ASAP2: variants seen among roughly 807,000 people sequenced by gnomAD.
ASAP2 encodes the protein ArfGAP with SH3 domain, ankyrin repeat and PH domain 2, also known as arf-GAP with SH3 domain, ANK repeat and PH domain-containing protein 2.
In ASAP2, 45 loss-of-function variants were observed where a neutral mutation model predicts 131.4. The observed-to-expected ratio is 0.34, with a 90% CI of 0.27 to 0.44. The LOEUF is 0.44. Ranked by LOEUF, ASAP2 falls within the 20% of genes least tolerant of loss-of-function variation. The probability of loss-of-function intolerance (pLI) is 1.00; values close to 1 mark genes in which losing one functional copy is unlikely to be tolerated. For missense variants in ASAP2, 1,011 were observed against 1,297.0 expected (o/e 0.78, Z 3.39); for synonymous variants, 510 against 503.0 (o/e 1.01, Z -0.19).
chr2:9,267,717 T>C (rs1279583939), intron 1 of ASAP2, among the ~76,000 whole-genome samples: 1 of 151,774 alleles, frequency 6.6e-6, no homozygotes, highest in Non-Finnish European at 1.5e-5. Flanking sequence ...CCTAACATGG[T>C]GAAACCCCCG....
Position 9,400,767 on chromosome 2 carries a change from G to T in ASAP2, c.2760G>T (p.Leu920=), listed in dbSNP as rs934456618. The stretch of plus-strand genomic sequence containing the variant: ...TGGATCTCTCTGCAACGGAAGCTCT[G>T]GGTCCTCTGTCCAATGCTATGGTCC... ...GPVDLSATEA[L]GPLSNAMVLQ... is the part of the protein sequence containing the mutation. Residue 920 remains leucine (L), a synonymous_variant, in exon 26 of 28, where the codon CTG becomes CTT. Coordinates refer to ENST00000281419, the MANE Select transcript of ASAP2 (RefSeq NM_003887.3). 3 of 1,613,602 alleles carry T rather than the reference G, an allele frequency of 1.9e-6. No individual in the cohort carries two copies. The African/African-American group carries it at 4.0e-5, about 22-fold the overall frequency.
At chr2:9,360,461 A>T (rs1673005359) in intron 15 of ASAP2, among the ~76,000 whole-genome samples, 1 of 152,158 alleles carries the variant, frequency 6.6e-6, no homozygotes. Flanking sequence ...ACAAATTGGC[A>T]TTTTAGTGGG....
At chr2:9,393,961 G>T (rs887951308) in intron 24 of ASAP2, among the ~76,000 whole-genome samples, 19 of 152,138 alleles carry the variant, frequency 1.2e-4, no homozygotes, top group African/African-American at 4.3e-4. Context: ...TCCCAAGGTT[G>T]TTTTGAACAC....
At chr2:9,320,639 T>G (rs1670094724) in intron 5 of ASAP2, among the ~76,000 whole-genome samples, 1 of 152,246 alleles carries the variant, frequency 6.6e-6, no homozygotes, top group Non-Finnish European at 1.5e-5. Flanking sequence ...CTTTCTGTTT[T>G]TGTTTTTAAA....
At chr2:9,230,169 T>TA (rs1663057970) in intron 1 of ASAP2, among the ~76,000 whole-genome samples, 2 of 152,166 alleles carry the variant, frequency 1.3e-5, no homozygotes, top group African/African-American at 2.4e-5. Context: ...AATAAACACA[T>TA]ATGTAAACAG....
Position 9,311,579 on chromosome 2 carries a change from C to A in ASAP2, c.346-6945C>A, listed in dbSNP as rs1183048418. ...TTACCCAGGGATAATGTAATTCTTC[C>A]CATAGAGCATGAAAATGTCATTACT... On this transcript the variant is annotated intron_variant, in intron 3 of 27. Transcript: ENST00000281419. The surrounding 1 kb of genome is among the most constrained non-coding windows in gnomAD (Gnocchi z 5.2). 3.9e-5 allele frequency among the ~76,000 whole-genome samples: 6 copies of A among 152,120 alleles called. No homozygotes were observed. The highest frequency in any genetic ancestry group is 1.5e-5 in the Non-Finnish European group (1 of 68,040).
intron 2 of ASAP2, among the ~76,000 whole-genome samples, chr2:9,284,750 T>G (rs1423525077): frequency 1.3e-5 from 2 of 152,194 alleles, no homozygotes; most frequent in Non-Finnish European, 2.9e-5. Flanking sequence ...TACTGAGTGT[T>G]TATACATTAT....
chr2:9,224,685 C>T (rs1343279365), intron 1 of ASAP2, among the ~76,000 whole-genome samples: 1 of 152,226 alleles, frequency 6.6e-6, no homozygotes, highest in Admixed American at 6.5e-5. Context: ...TTCCCTAACA[C>T]TCCTCATTTA....
intron 16 of ASAP2, among the ~76,000 whole-genome samples, chr2:9,374,534 G>A (rs1674234713): frequency 6.6e-6 from 1 of 152,202 alleles, no homozygotes; most frequent in Non-Finnish European, 1.5e-5. Flanking sequence ...TGGGCTGAGA[G>A]AACATGGGGA....
chr2:9,293,288 T>C (rs2148374942), intron 2 of ASAP2, among the ~76,000 whole-genome samples: 1 of 152,232 alleles, frequency 6.6e-6, no homozygotes, highest in East Asian at 1.9e-4. Context: ...TGGCTTAGAA[T>C]TGAGAAGAAA....
At chr2:9,240,353 A>G (rs377201237) in intron 1 of ASAP2, among the ~76,000 whole-genome samples, 6 of 150,314 alleles carry the variant, frequency 4.0e-5, no homozygotes, top group African/African-American at 1.5e-4. Flanking sequence ...TCCTGGGCCC[A>G]GGTGATCCTC....
At chr2:9,378,120 AG>A (rs1227233889) in intron 18 of ASAP2, among the ~76,000 whole-genome samples, 4 of 152,198 alleles carry the variant, frequency 2.6e-5, no homozygotes, top group African/African-American at 7.2e-5. Context: ...TTGGTGAAAA[AG>A]AAACTCCTTT....
At chr2:9,276,867 T>A (rs1666792817) in intron 1 of ASAP2, among the ~76,000 whole-genome samples, 1 of 152,170 alleles carries the variant, frequency 6.6e-6, no homozygotes, top group South Asian at 2.1e-4. Context: ...TGAGGTGTTT[T>A]CTCCCTTTAC....
chr2:9,403,498 T>C lies in ASAP2; in HGVS notation c.*171T>C, dbSNP rs1676927992. 1.7e-6 allele frequency: 1 copy of C among 583,842 alleles called. No individual in the cohort carries two copies. Among genetic ancestry groups the C allele is most frequent in the Admixed American group, 3.5e-5 (1 of 28,764 alleles). The allele number at this position is 583,842 out of a possible 1,614,324, so 36.2% of individuals were successfully genotyped here. ...AATTTTTACATATCAGTAATTGTTT[T>C]TATAATTTGTGGTTTTCATGAAACA... On this transcript the variant is annotated 3_prime_UTR_variant, in exon 28 of 28. Transcript: ENST00000281419.
intron 22 of ASAP2, 37 bp downstream of exon 22, chr2:9,388,583 G>A (rs781635011): frequency 6.3e-7 from 1 of 1,591,922 alleles, no homozygotes; most frequent in African/African-American, 1.4e-5. Flanking sequence ...AATATATAGA[G>A]GGTCTTGTTT....
intron 4 of ASAP2, 151 bp from the exon 5 acceptor site, chr2:9,320,137 G>A: frequency 1.6e-6 from 1 of 636,740 alleles, no homozygotes; most frequent in South Asian, 1.7e-5. Context: ...TTAAAAGCAT[G>A]TACTCTTGGT....
chr2:9,257,296 G>GGGA (rs398071238), intron 1 of ASAP2, among the ~76,000 whole-genome samples: 1 of 151,914 alleles, frequency 6.6e-6, no homozygotes, highest in Non-Finnish European at 1.5e-5. Context: ...TGAAAGCAGG[G>GGGA]ACTGTTTTAT....
intron 1 of ASAP2, among the ~76,000 whole-genome samples, chr2:9,258,677 AGCT>A (rs1250683546): frequency 6.6e-6 from 1 of 151,786 alleles, no homozygotes; most frequent in African/African-American, 2.4e-5. Context: ...AACCCCCGGA[AGCT>A]GCTGACTCTC....
chr2:9,404,427 C>G lies in ASAP2; in HGVS notation c.*1100C>G, dbSNP rs1387107426. 1 of 152,200 alleles carries G rather than the reference C, an allele frequency of 6.6e-6. No individual in the cohort carries two copies. The highest frequency in any genetic ancestry group is 1.5e-5 in the Non-Finnish European group (1 of 68,040). The allele number at this position is 152,200 out of a possible 1,614,324, so 9.4% of individuals were successfully genotyped here. Reference sequence around the variant, plus strand: ...TACTGTTTCAGGCCATCATATCATTCTTAAGCTACTTGGGGTGGTAGTAGA... The same window carrying G: ...TACTGTTTCAGGCCATCATATCATTGTTAAGCTACTTGGGGTGGTAGTAGA... On this transcript the variant is annotated 3_prime_UTR_variant, in exon 28 of 28. Transcript: ENST00000281419.
Sources: allele counts gnomAD v4.1 joint callset (sites outside exome capture counted in the v4.1 genomes callset), GRCh38; gene constraint gnomAD v4.1.1; non-coding constraint Gnocchi (gnomAD v3.1); transcripts MANE v1.5; gene names NCBI Gene and HGNC (gene_info 2026-07-23, HGNC 2026-07-21).